Variants in APCDD1L observed in about 807,000 individuals in gnomAD.
APCDD1L encodes the protein APC down-regulated 1 like.
In APCDD1L, 21 loss-of-function variants were observed where a neutral mutation model predicts 24.2. The ratio of observed to expected loss-of-function variants is 0.87; its 90% confidence interval spans 0.61 to 1.25. The LOEUF (loss-of-function observed/expected upper bound fraction) is 1.25. Ranked by LOEUF, APCDD1L falls within the 50% of genes most tolerant of loss-of-function variation. The pLI is 0.00. For synonymous variants in APCDD1L, 321 were observed against 323.6 expected, an observed-to-expected ratio of 0.99 and a Z score of 0.09; for missense variants, 704 against 711.7, an observed-to-expected ratio of 0.99 and a Z score of 0.12.
chr20:58,461,103 C>G lies in APCDD1L; in HGVS notation c.1193G>C (p.Gly398Ala). 3.7e-6 allele frequency: 6 copies of G among 1,613,982 alleles called. No individual in the cohort carries two copies. Among genetic ancestry groups the G allele is most frequent in the Non-Finnish European group, 5.1e-6 (6 of 1,179,956 alleles). The change falls in exon 4 of 4, where the codon GGC becomes GCC. Residue 398 changes from glycine to alanine, a missense_variant. Gly to Ala is a moderately conservative substitution (Grantham distance 60, BLOSUM62 0). Coordinates refer to ENST00000371149, the MANE Select transcript of APCDD1L (RefSeq NM_153360.3). This position sits in a 1 kb window ranked among gnomAD's most constrained non-coding sequence, Gnocchi z 6.0. ...GTERDVTATN[G>A]CLPLGIRLPH... Reference sequence around the variant, plus strand: ...GAGCCGGATGCCCAGCGGTAGGCAGCCGTTGGTGGCTGTGACATCCCGCTC... The same window carrying G: ...GAGCCGGATGCCCAGCGGTAGGCAGGCGTTGGTGGCTGTGACATCCCGCTC...
In APCDD1L at chr20:58,507,672, G is replaced by A. The variant is rs569085821; in HGVS notation, c.49+6987C>T. Among the ~76,000 whole-genome samples, 468 of 152,282 alleles carry A rather than the reference G, an allele frequency of 3.1e-3. 4 individuals carry two copies. The highest frequency in any genetic ancestry group is 5.4e-3 in the Non-Finnish European group (369 of 68,002). On this transcript the variant is annotated intron_variant, in intron 1 of 3. Coordinates refer to ENST00000371149, the MANE Select transcript of APCDD1L (RefSeq NM_153360.3). ...AGGTTTCAATGGAGTGAACATGAAA[G>A]AGAAGAGAAACAGCAACTTCTGTTT... is the stretch of plus-strand genomic sequence containing the variant.
In APCDD1L at chr20:58,467,181, C is replaced by T; in HGVS notation, c.666G>A (p.Gly222=). The T allele has an allele frequency of 6.2e-7, 1 of 1,606,898 alleles. No individual in the cohort carries two copies. Among genetic ancestry groups the T allele is most frequent in the Non-Finnish European group, 8.5e-7 (1 of 1,179,506 alleles). The change falls in exon 3 of 4, where the codon GGG becomes GGA. Residue 222 remains glycine (G), a synonymous_variant. Coordinates refer to ENST00000371149, the MANE Select transcript of APCDD1L (RefSeq NM_153360.3). The surrounding 1 kb of genome is among the most constrained non-coding windows in gnomAD (Gnocchi z 5.9). ...TCTCCGCCGGGTCGGTGTGGATGTCCCCCAGGTACAGCTCCTCCACCAGCC... is the reference window on the plus strand; with the variant it reads ...TCTCCGCCGGGTCGGTGTGGATGTCTCCCAGGTACAGCTCCTCCACCAGCC... ...SPRLVEELYL[G]DIHTDPAERR...
chr20:58,492,796 T>C (rs1315513216), intron 1 of APCDD1L, among the ~76,000 whole-genome samples: 1 of 152,140 alleles, frequency 6.6e-6, no homozygotes, highest in Non-Finnish European at 1.5e-5. Context: ...TCACACACAA[T>C]GCAAGCATGC....
At chr20:58,506,120 C>T (rs1003198392) in intron 1 of APCDD1L, among the ~76,000 whole-genome samples, 6 of 152,038 alleles carry the variant, frequency 3.9e-5, no homozygotes, top group Non-Finnish European at 7.4e-5. Flanking sequence ...CCCCAAATCC[C>T]CACTTCCCAG....
At position 58,515,363 on chromosome 20, in the gene APCDD1L, G is replaced by C. The variant is rs910863; in HGVS notation, c.-656C>G. On this transcript the variant is annotated 5_prime_UTR_variant, in exon 1 of 4. Transcript: ENST00000371149. ...CTGTCTGTAAATGAGGCCGTCACCC[G>C]CTCCCCACCACACCCAAACGCATCT... The C allele has an allele frequency of 0.96, 333,422 of 348,114 alleles. 159,692 individuals carry two copies. Among genetic ancestry groups the C allele is most frequent in the East Asian group, 1 (23,324 of 23,326 alleles). 21.6% of individuals were successfully genotyped at this position (348,114 alleles called of 1,614,324 possible).
intron 1 of APCDD1L, among the ~76,000 whole-genome samples, chr20:58,492,698 A>G (rs986449918): frequency 6.6e-5 from 10 of 152,270 alleles, no homozygotes; most frequent in Admixed American, 2.6e-4. Context: ...TACATCTTAC[A>G]TCACCATCTG....
chr20:58,488,797 G>A (rs533743823), intron 1 of APCDD1L, among the ~76,000 whole-genome samples: 17 of 152,046 alleles, frequency 1.1e-4, no homozygotes, highest in African/African-American at 1.9e-4. Context: ...AAAGATAACC[G>A]TCCAATTTAA....
intron 1 of APCDD1L, among the ~76,000 whole-genome samples, chr20:58,502,650 C>T (rs1990459865): frequency 1.3e-5 from 2 of 151,106 alleles, no homozygotes; most frequent in Non-Finnish European, 2.9e-5. Flanking sequence ...TAAAGACATG[C>T]TTACTCATTT....
Position 58,508,626 on chromosome 20 carries a change from AG to A in APCDD1L, c.49+6032del. On this transcript the variant is annotated intron_variant, in intron 1 of 3. Coordinates refer to ENST00000371149, the MANE Select transcript of APCDD1L (RefSeq NM_153360.3). This position sits in a 1 kb window ranked among gnomAD's most constrained non-coding sequence, Gnocchi z 4.0. ...AGGAGCTGAGGAGGGCCTCTGCGGC[AG>A]GGCCCTTCAGTGCAGCTGTGACTGG... is the stretch of plus-strand genomic sequence containing the variant. Among the ~76,000 whole-genome samples, 1 of 152,284 alleles carries A rather than the reference AG, an allele frequency of 6.6e-6. No individual in the cohort carries two copies. Among genetic ancestry groups the A allele is most frequent in the East Asian group, 1.9e-4 (1 of 5,186 alleles).
intron 1 of APCDD1L, among the ~76,000 whole-genome samples, chr20:58,499,344 A>G (rs1990386610): frequency 6.6e-6 from 1 of 152,164 alleles, no homozygotes; most frequent in Non-Finnish European, 1.5e-5. Flanking sequence ...TGCCACAGTG[A>G]GAGAGGACGG....
At chr20:58,512,134 C>T (rs1370290454) in intron 1 of APCDD1L, among the ~76,000 whole-genome samples, 2 of 152,200 alleles carry the variant, frequency 1.3e-5, no homozygotes, top group African/African-American at 4.8e-5. Flanking sequence ...GGCCGCCATG[C>T]GGACATGTTC....
chr20:58,499,484 C>T (rs1307391879), intron 1 of APCDD1L, among the ~76,000 whole-genome samples: 1 of 152,214 alleles, frequency 6.6e-6, no homozygotes, highest in African/African-American at 2.4e-5. Context: ...AGTCTCTTCT[C>T]ATGCCAGCCT....
intron 1 of APCDD1L, among the ~76,000 whole-genome samples, chr20:58,499,653 G>T (rs1990394054): frequency 6.6e-6 from 1 of 152,166 alleles, no homozygotes; most frequent in African/African-American, 2.4e-5. Flanking sequence ...TTCATAGGAA[G>T]GGGCTCCTGG....
At position 58,467,123 on chromosome 20, in the gene APCDD1L, G is replaced by C. The variant is rs745886069; in HGVS notation, c.724C>G (p.Pro242Ala). The C allele has an allele frequency of 3.7e-6, 6 of 1,607,084 alleles. No homozygotes were observed. The highest frequency in any genetic ancestry group is 5.1e-6 in the Non-Finnish European group (6 of 1,179,092). ...RHYRPTGYQR[P>A]LQSALHHVQP... ...ACACTCACCAGTGCGCTCTGCAGCG[G>C]GCGCTGGTAGCCCGTGGGCCGGTAG... The change falls in exon 3 of 4, where the codon CCG (proline) becomes GCG (alanine). Residue 242 changes from proline to alanine, a missense_variant. Coordinates refer to ENST00000371149, the MANE Select transcript of APCDD1L (RefSeq NM_153360.3). This position sits in a 1 kb window ranked among gnomAD's most constrained non-coding sequence, Gnocchi z 5.9.
intron 3 of APCDD1L, among the ~76,000 whole-genome samples, chr20:58,463,730 ATT>A (rs896436044): frequency 5.9e-5 from 9 of 152,006 alleles, no homozygotes; most frequent in East Asian, 3.9e-4. Context: ...GGAAGGGGGC[ATT>A]TTGAGGGTCC....
At chr20:58,509,370 C>T (rs917032194) in intron 1 of APCDD1L, among the ~76,000 whole-genome samples, 1 of 152,134 alleles carries the variant, frequency 6.6e-6, no homozygotes, top group Non-Finnish European at 1.5e-5. Context: ...ACAGACGGTA[C>T]CTTTAGCTTT....
chr20:58,469,102 T>G (rs957170434), intron 2 of APCDD1L, among the ~76,000 whole-genome samples: 1 of 152,220 alleles, frequency 6.6e-6, no homozygotes, highest in Non-Finnish European at 1.5e-5. Context: ...TCATGGAATT[T>G]AATTTTACAG....
chr20:58,495,516 C>T (rs962250896), intron 1 of APCDD1L, among the ~76,000 whole-genome samples: 7 of 152,304 alleles, frequency 4.6e-5, no homozygotes, highest in African/African-American at 1.4e-4. Flanking sequence ...TGCTCTTCAA[C>T]CCCCCTGTGC....
chr20:58,514,038 T>C (rs1600888605), intron 1 of APCDD1L: 1 of 1,114,632 alleles, frequency 9.0e-7, no homozygotes, highest in East Asian at 6.0e-5. Flanking sequence ...TTGTCTACCC[T>C]ACTCCCCACC....
Sources: gnomAD v4.1 joint callset for allele counts (sites outside exome capture counted in the v4.1 genomes callset) on GRCh38, gnomAD v4.1.1 for gene constraint, Gnocchi (gnomAD v3.1) non-coding constraint, MANE v1.5 for transcripts, NCBI Gene and HGNC (gene_info 2026-07-23, HGNC 2026-07-21) for gene names.